C4orf50: variants seen among roughly 807,000 people sequenced by gnomAD.
C4orf50 encodes the protein uncharacterized protein C4orf50.
A neutral mutation model predicts 77.2 loss-of-function variants in C4orf50; 80 were observed. The observed-to-expected ratio is 1.04, with a 90% CI of 0.87 to 1.25. The LOEUF (loss-of-function observed/expected upper bound fraction) is 1.25. Ranked by LOEUF, C4orf50 falls within the 50% of genes most tolerant of loss-of-function variation. C4orf50 has a pLI of 0.00. For missense variants in C4orf50, 1,257 were observed against 1,152.9 expected, an observed-to-expected ratio of 1.09 and a Z score of -1.31; for synonymous variants, 532 against 465.3, an observed-to-expected ratio of 1.14 and a Z score of -1.84.
rs1721338650 is a variant in C4orf50 at position 5,992,385 on chromosome 4, C to T, written c.1221+418G>A. On this transcript the variant is annotated intron_variant, in intron 27 of 33. Transcript: ENST00000531445. The surrounding 1 kb of genome is among the most constrained non-coding windows in gnomAD (Gnocchi z 5.0). ...GGGAGGTGAGTTGGGACGCAGGCTCCTGACCCTCAGGGCCAGCATGGGGCA... is the reference window on the plus strand; with the variant it reads ...GGGAGGTGAGTTGGGACGCAGGCTCTTGACCCTCAGGGCCAGCATGGGGCA... Among the ~76,000 whole-genome samples, 3 of 152,010 alleles carry T rather than the reference C, an allele frequency of 2.0e-5. No homozygotes were observed.
exon 31 of C4orf50, chr4:5,973,671 C>T (rs566675256): frequency 1.7e-5 from 27 of 1,612,414 alleles, no homozygotes; most frequent in East Asian, 1.1e-4. Flanking sequence ...CTGGGACTCC[C>T]GGAGCCAGGA....
chr4:5,910,037 A>G lies in C4orf50; in HGVS notation c.*2475-11849T>C, dbSNP rs138899070. On this transcript the variant is annotated intron_variant, in intron 7 of 7. Coordinates refer to the C4orf50 transcript ENST00000324058. ...CTAGAATTTTTTTTTCTATCTCTGT[A>G]AAGAATGGCATTGGTATTTTGATAG... is the stretch of plus-strand genomic sequence containing the variant. Among the ~76,000 whole-genome samples, 343 of 152,258 alleles carry G rather than the reference A, an allele frequency of 2.3e-3. 2 individuals carry two copies. The highest frequency in any genetic ancestry group is 7.7e-3 in the African/African-American group (319 of 41,548).
chr4:5,954,424 G>T (rs992262147), downstream of C4orf50, among the ~76,000 whole-genome samples: 4 of 152,162 alleles, frequency 2.6e-5, no homozygotes, highest in African/African-American at 4.8e-5. This position sits in a 1 kb window ranked among gnomAD's most constrained non-coding sequence, Gnocchi z 4.7. Context: ...ACAGAGCCAT[G>T]GCTGGAGGGC....
chr4:5,961,667 C>G (rs376654368), intron 33 of C4orf50, among the ~76,000 whole-genome samples: 2 of 152,350 alleles, frequency 1.3e-5, no homozygotes, highest in East Asian at 3.9e-4. Context: ...TTCCCCACCA[C>G]AGTGACAGCT....
chr4:5,937,613 A>C (rs1028338720), intron 7 of C4orf50, among the ~76,000 whole-genome samples: 7 of 152,182 alleles, frequency 4.6e-5, no homozygotes, highest in Admixed American at 2.6e-4. Flanking sequence ...TAATGGACTA[A>C]ACTTTCCATT....
chr4:5,994,984 T>C (rs1400703777), intron 25 of C4orf50, among the ~76,000 whole-genome samples: 1 of 152,182 alleles, frequency 6.6e-6, no homozygotes, highest in Non-Finnish European at 1.5e-5. Flanking sequence ...TATGAAAATC[T>C]AACTAATGCC....
At chr4:5,928,204 G>A (rs114031823) in intron 7 of C4orf50, among the ~76,000 whole-genome samples, 3,522 of 152,170 alleles carry the variant, frequency 0.023, 119 homozygotes, top group African/African-American at 0.07. Flanking sequence ...AAAATTACTC[G>A]GAAACAGTAT....
At chr4:6,014,060 T>C (rs367740164) in intron 23 of C4orf50, among the ~76,000 whole-genome samples, 2 of 151,154 alleles carry the variant, frequency 1.3e-5, no homozygotes, top group African/African-American at 4.8e-5. Flanking sequence ...TGGAGTGCAA[T>C]GGCGTGATCT....
At chr4:5,994,868 C>T (rs181165940) in intron 25 of C4orf50, among the ~76,000 whole-genome samples, 139 of 152,286 alleles carry the variant, frequency 9.1e-4, no homozygotes, top group Non-Finnish European at 1.4e-3. Context: ...CAGGCATTAC[C>T]GCCTGAGCTC....
intron 7 of C4orf50, among the ~76,000 whole-genome samples, chr4:5,949,384 G>A (rs572902003): frequency 1.3e-5 from 2 of 152,302 alleles, no homozygotes; most frequent in South Asian, 2.1e-4. Flanking sequence ...GCCGGCCCAC[G>A]CTCCAACACG....
chr4:6,006,792 C>G (rs1177790968), intron 25 of C4orf50, among the ~76,000 whole-genome samples: 1 of 152,170 alleles, frequency 6.6e-6, no homozygotes, highest in East Asian at 1.9e-4. Context: ...TGCTGGGGCC[C>G]TCCTGTGTGC....
At chr4:5,981,259 G>A (rs184570809) in intron 28 of C4orf50, among the ~76,000 whole-genome samples, 4 of 152,134 alleles carry the variant, frequency 2.6e-5, no homozygotes, top group African/African-American at 4.8e-5. Context: ...TCCTGTGGCC[G>A]TGCTGAACAC....
At chr4:5,976,457 G>GAAAAAA (rs138450804) in intron 29 of C4orf50, among the ~76,000 whole-genome samples, 1 of 93,078 alleles carries the variant, frequency 1.1e-5, no homozygotes, top group African/African-American at 4.5e-5. Context: ...CTCTGTCTCG[G>GAAAAAA]AAAAAAAAAA....
chr4:5,996,031 T>C (rs1033383817), intron 25 of C4orf50, among the ~76,000 whole-genome samples: 2 of 152,196 alleles, frequency 1.3e-5, no homozygotes, highest in African/African-American at 4.8e-5. Flanking sequence ...TTGGCTTCCC[T>C]CTGGCTACAG....
intron 25 of C4orf50, among the ~76,000 whole-genome samples, chr4:6,004,124 A>ATGATGATGGTGATGTGATGGTAATG (rs1560598557): frequency 5.1e-5 from 1 of 19,756 alleles, no homozygotes. Flanking sequence ...TGATGGTGAT[A>ATGATGATGGTGATGTGATGGTAATG]GTGATGATGG....
At position 5,970,101 on chromosome 4, in the gene C4orf50, A is replaced by T. The variant is rs1719820416; in HGVS notation, c.4105-2639T>A. ...TGAATACAAACAGCAAAGGTGTCTC[A>T]TTTCATGCTTGTGAATATCAACAGC... is the stretch of plus-strand genomic sequence containing the variant. On this transcript the variant is annotated intron_variant, in intron 31 of 33. Coordinates refer to ENST00000531445, the Ensembl canonical transcript of C4orf50. The surrounding 1 kb of genome is among the most constrained non-coding windows in gnomAD (Gnocchi z 4.3). Among the ~76,000 whole-genome samples, 1 of 150,996 alleles carries T rather than the reference A, an allele frequency of 6.6e-6. No homozygotes were observed. The highest frequency in any genetic ancestry group is 1.5e-5 in the Non-Finnish European group (1 of 67,856).
chr4:5,987,907 A>C (rs1488494022), intron 28 of C4orf50, among the ~76,000 whole-genome samples: 1 of 152,160 alleles, frequency 6.6e-6, no homozygotes, highest in Non-Finnish European at 1.5e-5. Context: ...GCCGGGTTGG[A>C]ACCTGGTTTT....
At chr4:5,922,303 A>T (rs1440906085) in intron 7 of C4orf50, among the ~76,000 whole-genome samples, 1 of 152,218 alleles carries the variant, frequency 6.6e-6, no homozygotes, top group African/African-American at 2.4e-5. Flanking sequence ...TGTCTTTCAA[A>T]ACAACTGCCT....
intron 7 of C4orf50, among the ~76,000 whole-genome samples, chr4:5,912,018 C>G (rs546053812): frequency 2.0e-4 from 31 of 152,194 alleles, no homozygotes; most frequent in Non-Finnish European, 3.8e-4. Flanking sequence ...TGCACTCCAG[C>G]TTGGGTGACA....
Sources: allele counts gnomAD v4.1 joint callset (sites outside exome capture counted in the v4.1 genomes callset), GRCh38; gene constraint gnomAD v4.1.1; non-coding constraint Gnocchi (gnomAD v3.1); transcripts MANE v1.5; gene names NCBI Gene and HGNC (gene_info 2026-07-23, HGNC 2026-07-21).